The following UMOD variants were observed in gnomAD, a reference collection of about 807,000 sequenced individuals.
UMOD encodes Tamm-Horsfall urinary glycoprotein.
A neutral mutation model predicts 66.0 loss-of-function variants in UMOD; 64 were observed. The observed-to-expected ratio is 0.97, with a 90% CI of 0.79 to 1.19. The LOEUF (loss-of-function observed/expected upper bound fraction) is 1.19, where lower values mean the gene tolerates loss of function less well. Ranked by LOEUF, UMOD falls within the 50% of genes most tolerant of loss-of-function variation. UMOD has a pLI of 0.00. For synonymous variants in UMOD, 398 were observed against 352.7 expected, an observed-to-expected ratio of 1.13 and a Z score of -1.44; for missense variants, 764 against 850.9, an observed-to-expected ratio of 0.90 and a Z score of 1.27.
intron 1 of UMOD, among the ~76,000 whole-genome samples, chr16:20,352,010 T>TCCCCC (rs11284615): frequency 1.1e-5 from 1 of 87,310 alleles, no homozygotes; most frequent in Admixed American, 1.5e-4. Context: ...AGAGAGTCCA[T>TCCCCC]CCCCCCCCCC....
chr16:20,353,841 T>G (rs1965985592), upstream of UMOD, among the ~76,000 whole-genome samples: 1 of 152,188 alleles, frequency 6.6e-6, no homozygotes, highest in African/African-American at 2.4e-5. Flanking sequence ...TGTGCCATGT[T>G]GATGTGCTGC....
At chr16:20,342,960 T>C (rs6497475) in intron 6 of UMOD, among the ~76,000 whole-genome samples, 107,957 of 151,386 alleles carry the variant, frequency 0.71, 39,324 homozygotes, top group Non-Finnish European at 0.76. Context: ...TGAAACCCCG[T>C]CTCTACTAAA....
intron 6 of UMOD, 33 bp downstream of exon 6, chr16:20,343,991 T>A: frequency 1.2e-6 from 2 of 1,612,086 alleles, no homozygotes; most frequent in Non-Finnish European, 1.7e-6. Flanking sequence ...GTTAGAACCA[T>A]CTAGGGGCCC....
upstream of UMOD, among the ~76,000 whole-genome samples, chr16:20,355,308 C>T (rs1461606403): frequency 1.3e-5 from 2 of 152,116 alleles, no homozygotes; most frequent in Non-Finnish European, 2.9e-5. Context: ...TTTATCTTAC[C>T]TCTAGGACAG....
At chr16:20,350,624 A>G (rs1399106472) in intron 2 of UMOD, 26 bp downstream of exon 2, 2 of 1,613,552 alleles carry the variant, frequency 1.2e-6, no homozygotes, top group African/African-American at 1.3e-5. Context: ...ACACACATAT[A>G]CAACGCACAC....
intron 6 of UMOD, among the ~76,000 whole-genome samples, chr16:20,341,884 A>T (rs553611318): frequency 6.6e-6 from 1 of 152,258 alleles, no homozygotes. Flanking sequence ...AACCACACTG[A>T]AAACAGCCAC....
At chr16:20,339,439 G>C (rs866094491) in intron 7 of UMOD, among the ~76,000 whole-genome samples, 1 of 152,172 alleles carries the variant, frequency 6.6e-6, no homozygotes, top group Non-Finnish European at 1.5e-5. Context: ...TGCATAAATA[G>C]AACAGGACCA....
At chr16:20,350,554 G>A (rs1965839760) in intron 2 of UMOD, 96 bp downstream of exon 2, 10 of 1,462,754 alleles carry the variant, frequency 6.8e-6, no homozygotes, top group Non-Finnish European at 7.6e-6. Context: ...TAGGAGGATT[G>A]AGATCACCTC....
chr16:20,341,024 C>A, intron 7 of UMOD, 67 bp downstream of exon 7: 1 of 1,480,684 alleles, frequency 6.8e-7, no homozygotes. Flanking sequence ...CAATTTTCCT[C>A]CATCCAAGTC....
At chr16:20,354,415 T>C (rs372825138), upstream of UMOD, among the ~76,000 whole-genome samples, 6 of 152,354 alleles carry the variant, frequency 3.9e-5, no homozygotes, top group East Asian at 1.2e-3. Context: ...TCACCAGTTC[T>C]GAGCATTGGT....
At chr16:20,352,019 C>G (rs950041973) in intron 1 of UMOD, among the ~76,000 whole-genome samples, 8 of 141,426 alleles carry the variant, frequency 5.7e-5, no homozygotes, top group African/African-American at 1.1e-4. Context: ...ATCCCCCCCC[C>G]CCAAAAAAAA....
At chr16:20,349,901 A>G in intron 2 of UMOD, 9 of 1,518,670 alleles carry the variant, frequency 5.9e-6, no homozygotes, top group Admixed American at 2.4e-5. Context: ...TAAAAAAAAA[A>G]AGAAGCTGTT....
intron 2 of UMOD, 59 bp downstream of exon 2, chr16:20,350,591 C>T: frequency 1.3e-6 from 2 of 1,598,908 alleles, no homozygotes; most frequent in Non-Finnish European, 1.7e-6. Context: ...GCTTCCCCCA[C>T]ACATTCACAC....
At chr16:20,355,091 T>C (rs1230017807), upstream of UMOD, among the ~76,000 whole-genome samples, 1 of 152,168 alleles carries the variant, frequency 6.6e-6, no homozygotes, top group African/African-American at 2.4e-5. Flanking sequence ...TTCCTGCCTT[T>C]TCCCTTGCTC....
At chr16:20,353,570 G>A (rs1965979748), upstream of UMOD, among the ~76,000 whole-genome samples, 1 of 152,182 alleles carries the variant, frequency 6.6e-6, no homozygotes, top group Non-Finnish European at 1.5e-5. Flanking sequence ...TGAAAATTCT[G>A]CTTTGCTGTT....
chr16:20,344,746 C>T (rs545546737), intron 5 of UMOD, among the ~76,000 whole-genome samples: 23 of 152,210 alleles, frequency 1.5e-4, no homozygotes, highest in African/African-American at 5.5e-4. Flanking sequence ...TGTGCCAGAC[C>T]CCGAGTGGAA....
upstream of UMOD, among the ~76,000 whole-genome samples, chr16:20,355,929 C>T (rs575301508): frequency 2.7e-4 from 41 of 152,258 alleles, 1 homozygote; most frequent in South Asian, 4.4e-3. Flanking sequence ...GTGTTAAATC[C>T]AGACTAAAAC....
Position 20,346,116 on chromosome 16 carries a change from C to T in UMOD, c.1182+10G>A, listed in dbSNP as rs747298112. 3.1e-6 allele frequency: 5 copies of T among 1,612,870 alleles called. No individual in the cohort carries two copies. The African/African-American group carries it at 6.7e-5, about 22-fold the overall frequency. On this transcript the variant is annotated intron_variant, in intron 5 of 10. Coordinates refer to ENST00000396138, the MANE Select transcript of UMOD (RefSeq NM_003361.4). ...TGCTCTGGTTCTGTCCCCCACTGGC[C>T]AGGACGTACCGTCAACACTGTCCCA...
At chr16:20,345,372 T>A (rs560692295) in intron 5 of UMOD, among the ~76,000 whole-genome samples, 1 of 151,044 alleles carries the variant, frequency 6.6e-6, no homozygotes, top group African/African-American at 2.4e-5. Flanking sequence ...TTTCTTCCTT[T>A]CTTCCTTCCT....
Sources: allele counts gnomAD v4.1 joint callset (sites outside exome capture counted in the v4.1 genomes callset), GRCh38; gene constraint gnomAD v4.1.1; transcripts MANE v1.5; gene names NCBI Gene and HGNC (gene_info 2026-07-23, HGNC 2026-07-21).